GALNTL6: variants seen among roughly 807,000 people sequenced by gnomAD.
The protein encoded by GALNTL6 is polypeptide N-acetylgalactosaminyltransferase-like 6.
In GALNTL6, 46 loss-of-function variants were observed where a neutral mutation model predicts 73.7. That is an observed-to-expected ratio of 0.62 (90% CI 0.49 to 0.80). The LOEUF (loss-of-function observed/expected upper bound fraction) is 0.80. GALNTL6 is among the 30% of genes least tolerant of loss of function. The probability of loss-of-function intolerance (pLI) is 0.00; values close to 1 mark genes in which losing one functional copy is unlikely to be tolerated. For synonymous variants in GALNTL6, 259 were observed against 263.7 expected (o/e 0.98, Z 0.17); for missense variants, 604 against 755.0 (o/e 0.80, Z 2.34).
At chr4:171,867,543 C>G (rs1177906081) in intron 2 of GALNTL6, among the ~76,000 whole-genome samples, 1 of 152,172 alleles carries the variant, frequency 6.6e-6, no homozygotes, top group Non-Finnish European at 1.5e-5. Context: ...TCCCCGACAC[C>G]TCAATTCTAA....
At chr4:172,246,507 A>G (rs1359581846) in intron 3 of GALNTL6, among the ~76,000 whole-genome samples, 1 of 152,118 alleles carries the variant, frequency 6.6e-6, no homozygotes, top group Non-Finnish European at 1.5e-5. Context: ...ATAGAAATAA[A>G]TGTATGCAGC....
chr4:172,705,727 G>A (rs1261054692), intron 5 of GALNTL6, among the ~76,000 whole-genome samples: 1 of 152,040 alleles, frequency 6.6e-6, no homozygotes, highest in Non-Finnish European at 1.5e-5. Context: ...GTGTTTCAAG[G>A]ATAGCTTTGT....
intron 5 of GALNTL6, among the ~76,000 whole-genome samples, chr4:172,442,643 C>T (rs1731873726): frequency 6.6e-6 from 1 of 152,254 alleles, no homozygotes; most frequent in African/African-American, 2.4e-5. Flanking sequence ...GTATTCCGCT[C>T]ATGCCTTGCT....
chr4:172,365,750 GTTTTAAC>G (rs1437016543), intron 5 of GALNTL6, among the ~76,000 whole-genome samples: 1 of 151,326 alleles, frequency 6.6e-6, no homozygotes, highest in East Asian at 1.9e-4. Context: ...GAGCCTCTAA[GTTTTAAC>G]TTTTAAGTAA....
At chr4:172,876,835 TCCA>T (rs1353750856) in intron 7 of GALNTL6, among the ~76,000 whole-genome samples, 1 of 152,238 alleles carries the variant, frequency 6.6e-6, no homozygotes. Context: ...ATCATTTTAC[TCCA>T]CAATTGAATT....
intron 3 of GALNTL6, among the ~76,000 whole-genome samples, chr4:172,306,124 C>T (rs1469211457): frequency 2.0e-5 from 3 of 152,128 alleles, no homozygotes; most frequent in Admixed American, 6.5e-5. Context: ...CGTGGTGGCT[C>T]ATGCCTGTAA....
At chr4:171,957,315 T>C (rs1195810686) in intron 2 of GALNTL6, among the ~76,000 whole-genome samples, 2 of 152,182 alleles carry the variant, frequency 1.3e-5, no homozygotes, top group East Asian at 3.9e-4. Context: ...CCCTAAGCAA[T>C]TGTCAAAAAA....
In GALNTL6 at chr4:172,984,891, T is replaced by A. The variant is rs573698494; in HGVS notation, c.1372-24287T>A. Among the ~76,000 whole-genome samples the A allele has an allele frequency of 2.6e-5, 4 of 152,362 alleles. No individual in the cohort carries two copies. In the South Asian group the frequency reaches 8.3e-4, roughly 32 times the overall value. On this transcript the variant is annotated intron_variant, in intron 10 of 12. Transcript: ENST00000506823. ...AATTACTATAATAATGAACATTTTT[T>A]ATGCAACAGTGGATACTAATGGGAA...
chr4:172,029,176 G>C (rs115143180), intron 2 of GALNTL6, among the ~76,000 whole-genome samples: 1 of 151,754 alleles, frequency 6.6e-6, no homozygotes, highest in Admixed American at 6.6e-5. Flanking sequence ...TCTATATAAG[G>C]GAATCTATTT....
At chr4:171,948,268 C>T (rs565951404) in intron 2 of GALNTL6, among the ~76,000 whole-genome samples, 23 of 152,180 alleles carry the variant, frequency 1.5e-4, no homozygotes, top group African/African-American at 2.9e-4. Flanking sequence ...TATGAGTCTG[C>T]GGTACCTGTC....
chr4:172,779,897 G>C (rs577663465), intron 5 of GALNTL6, among the ~76,000 whole-genome samples: 197 of 152,230 alleles, frequency 1.3e-3, no homozygotes, highest in African/African-American at 4.6e-3. Context: ...ACATATTGAA[G>C]CTCACTTGGG....
intron 2 of GALNTL6, among the ~76,000 whole-genome samples, chr4:171,881,431 G>C (rs1395893373): frequency 6.6e-6 from 1 of 152,104 alleles, no homozygotes; most frequent in Non-Finnish European, 1.5e-5. Flanking sequence ...GGGGCAGGGA[G>C]GCTAGGCCAG....
At chr4:172,397,345 G>A (rs1743884064) in intron 5 of GALNTL6, among the ~76,000 whole-genome samples, 1 of 152,024 alleles carries the variant, frequency 6.6e-6, no homozygotes, top group South Asian at 2.1e-4. Context: ...GAATTTGAGG[G>A]CAAGATTTAG....
chr4:172,182,603 A>T (rs1735287130), intron 2 of GALNTL6, among the ~76,000 whole-genome samples: 2 of 150,524 alleles, frequency 1.3e-5, no homozygotes, highest in African/African-American at 4.9e-5. Flanking sequence ...TAGACAGGAT[A>T]TTCCACTCCC....
intron 5 of GALNTL6, among the ~76,000 whole-genome samples, chr4:172,412,137 G>C (rs1744465584): frequency 6.6e-6 from 1 of 152,054 alleles, no homozygotes; most frequent in Non-Finnish European, 1.5e-5. Context: ...CAACCTCCCA[G>C]AGTTCAGGTG....
intron 5 of GALNTL6, among the ~76,000 whole-genome samples, chr4:172,536,680 T>C (rs2110861518): frequency 6.6e-6 from 1 of 152,320 alleles, no homozygotes; most frequent in East Asian, 1.9e-4. Flanking sequence ...GCATTTACTT[T>C]TATTCATTCA....
chr4:172,481,926 G>T (rs543440144), intron 5 of GALNTL6, among the ~76,000 whole-genome samples: 1 of 152,314 alleles, frequency 6.6e-6, no homozygotes, highest in African/African-American at 2.4e-5. Context: ...CTGAGCGTCA[G>T]GGAGCAGGGG....
chr4:172,976,219 CACA>C (rs1201397087), intron 10 of GALNTL6, among the ~76,000 whole-genome samples: 1 of 152,142 alleles, frequency 6.6e-6, no homozygotes, highest in Non-Finnish European at 1.5e-5. Flanking sequence ...TCCTATTCAC[CACA>C]ACCAAAATTA....
intron 2 of GALNTL6, among the ~76,000 whole-genome samples, chr4:172,137,923 A>G (rs1733680967): frequency 6.6e-6 from 1 of 152,234 alleles, no homozygotes; most frequent in African/African-American, 2.4e-5. Context: ...ATAGTAAGCC[A>G]GCTGCATTTG....
Sources: gnomAD v4.1 joint callset for allele counts (sites outside exome capture counted in the v4.1 genomes callset) on GRCh38, gnomAD v4.1.1 for gene constraint, MANE v1.5 for transcripts, NCBI Gene and HGNC (gene_info 2026-07-23, HGNC 2026-07-21) for gene names.